Variants in PM20D2 observed in about 807,000 individuals in gnomAD.
PM20D2 encodes the protein xaa-Arg dipeptidase.
A neutral mutation model predicts 42.9 loss-of-function variants in PM20D2; 33 were observed. That is an observed-to-expected ratio of 0.77 (90% CI 0.58 to 1.03). PM20D2 has a LOEUF of 1.03. Ranked by LOEUF, PM20D2 falls within the 50% of genes least tolerant of loss-of-function variation. The pLI is 0.00. For synonymous variants in PM20D2, 250 were observed against 228.2 expected (o/e 1.10, Z -0.86); for missense variants, 548 against 557.0 (o/e 0.98, Z 0.16).
rs925490777 is a variant in PM20D2 at position 89,146,432 on chromosome 6, C to A, written c.288C>A (p.Ala96=). The A allele has an allele frequency of 1.3e-6, 2 of 1,524,002 alleles. No individual in the cohort carries two copies. Among genetic ancestry groups the A allele is most frequent in the Admixed American group, 2.0e-5 (1 of 50,184 alleles). 94.4% of individuals were successfully genotyped at this position (1,524,002 alleles called of 1,614,324 possible). ...AFRAEWEPPE[A]RAPSATPRPL... ...GCGCCGAGTGGGAGCCGCCGGAGGCCCGGGCACCGAGCGCCACGCCACGCC... is the reference window on the plus strand; with the variant it reads ...GCGCCGAGTGGGAGCCGCCGGAGGCACGGGCACCGAGCGCCACGCCACGCC... Residue 96 remains alanine, a synonymous_variant, in exon 1 of 7, where the codon GCC becomes GCA. Coordinates refer to ENST00000275072, the MANE Select transcript of PM20D2 (RefSeq NM_001010853.3).
the PM20D2 span, among the ~76,000 whole-genome samples, chr6:89,094,942 A>T: frequency 6.6e-6 from 1 of 152,144 alleles, no homozygotes; most frequent in South Asian, 2.1e-4. Context: ...CAAAATCTGT[A>T]AATGTCTCAC....
At chr6:89,135,127 A>C in the PM20D2 span, among the ~76,000 whole-genome samples, 1 of 151,162 alleles carries the variant, frequency 6.6e-6, no homozygotes, top group African/African-American at 2.5e-5. Context: ...TGCTACAGAT[A>C]AGAAGAGAAA....
the PM20D2 span, among the ~76,000 whole-genome samples, chr6:89,137,903 A>T: frequency 6.6e-6 from 1 of 152,118 alleles, no homozygotes; most frequent in Admixed American, 6.6e-5. Flanking sequence ...AAACCATTGG[A>T]CATTCCAGTT....
At position 89,162,443 on chromosome 6, in the gene PM20D2, C is replaced by A; in HGVS notation, c.*180C>A. The A allele has an allele frequency of 1.8e-6, 1 of 569,812 alleles. No individual in the cohort carries two copies. Among genetic ancestry groups the A allele is most frequent in the Non-Finnish European group, 2.9e-6 (1 of 341,776 alleles). The allele number at this position is 569,812 out of a possible 1,614,324, so 35.3% of individuals were successfully genotyped here. A position where few individuals can be genotyped will look rare whatever the true frequency, so the allele number is the denominator to read the frequency against. On this transcript the variant is annotated 3_prime_UTR_variant, in exon 7 of 7. Transcript: ENST00000275072. ...CTCATATCTAAAGTGAAAATTTTTG[C>A]AAATCCGTACTTGATAGGATTATGA...
At chr6:89,098,923 A>AT in the PM20D2 span, 2 of 1,613,714 alleles carry the variant, frequency 1.2e-6, no homozygotes, top group Non-Finnish European at 1.7e-6. Flanking sequence ...TAGACTGGCT[A>AT]TAAGAAAATC....
At chr6:89,144,870 G>C (rs1770469563), upstream of PM20D2, among the ~76,000 whole-genome samples, 11 of 152,334 alleles carry the variant, frequency 7.2e-5, no homozygotes, top group South Asian at 2.1e-3. Flanking sequence ...TTTTAGAGCT[G>C]AGTTTTTGTT....
chr6:89,137,779 C>A, the PM20D2 span, among the ~76,000 whole-genome samples: 1 of 152,024 alleles, frequency 6.6e-6, no homozygotes, highest in Non-Finnish European at 1.5e-5. Context: ...TCCTTATTCC[C>A]CCTCTTTTTT....
At chr6:89,143,383 G>T (rs1311858903), upstream of PM20D2, among the ~76,000 whole-genome samples, 1 of 152,192 alleles carries the variant, frequency 6.6e-6, no homozygotes, top group African/African-American at 2.4e-5. Flanking sequence ...TATTGAGTCA[G>T]TTGTGATGAC....
At chr6:89,120,710 T>TAA in the PM20D2 span, among the ~76,000 whole-genome samples, 1 of 144,696 alleles carries the variant, frequency 6.9e-6, no homozygotes, top group Non-Finnish European at 1.5e-5. Context: ...TACAGAAAAT[T>TAA]AAAAAAAAAA....
the PM20D2 span, among the ~76,000 whole-genome samples, chr6:89,115,302 GAC>G: frequency 6.6e-6 from 1 of 151,852 alleles, no homozygotes; most frequent in South Asian, 2.1e-4. Flanking sequence ...TATTTTTTGA[GAC>G]AGAGTCTCAC....
Position 89,158,323 on chromosome 6 carries a change from A to G in PM20D2, c.913-2A>G, listed in dbSNP as rs748275328. The stretch of plus-strand genomic sequence containing the variant: ...AAAATTTGTTTTGCAATTTTTTATT[A>G]GGTGGAAATTAAAGGTGGAGCACAT... On this transcript the variant is annotated splice_acceptor_variant, in intron 4 of 6. Coordinates refer to ENST00000275072, the MANE Select transcript of PM20D2 (RefSeq NM_001010853.3). LOFTEE classifies it high-confidence loss of function. The G allele has an allele frequency of 3.2e-6, 5 of 1,565,090 alleles. No individual in the cohort carries two copies. Among genetic ancestry groups the G allele is most frequent in the Non-Finnish European group, 4.3e-6 (5 of 1,162,322 alleles).
the PM20D2 span, among the ~76,000 whole-genome samples, chr6:89,132,583 C>T: frequency 6.6e-6 from 1 of 151,296 alleles, no homozygotes; most frequent in Admixed American, 6.6e-5. Context: ...CAGTGGCTCA[C>T]ACTTGTAATC....
chr6:89,098,005 T>C, the PM20D2 span: 2 of 152,314 alleles, frequency 1.3e-5, no homozygotes, highest in Admixed American at 6.5e-5. Flanking sequence ...AATAAAAATA[T>C]AACCTTTGAG....
At position 89,146,151 on chromosome 6, in the gene PM20D2, C is replaced by G. The variant is rs753054784; in HGVS notation, c.7C>G (p.Pro3Ala). Reference sequence around the variant, plus strand: ...GGCAGCGGGCTTGGGCAGCATGAGGCCCGGAGGGGAGCGGCCCGTGGAAGG... The same window carrying G: ...GGCAGCGGGCTTGGGCAGCATGAGGGCCGGAGGGGAGCGGCCCGTGGAAGG... MR[P>A]GGERPVEGGA... Residue 3 changes from proline to alanine, a missense_variant, in exon 1 of 7, where the codon CCC becomes GCC. Coordinates refer to ENST00000275072, the MANE Select transcript of PM20D2 (RefSeq NM_001010853.3). 2.0e-6 allele frequency: 3 copies of G among 1,500,388 alleles called. No homozygotes were observed. Among genetic ancestry groups the G allele is most frequent in the Non-Finnish European group, 2.7e-6 (3 of 1,131,886 alleles). 92.9% of individuals were successfully genotyped at this position (1,500,388 alleles called of 1,614,324 possible).
At chr6:89,118,926 T>TA in the PM20D2 span, among the ~76,000 whole-genome samples, 1 of 152,252 alleles carries the variant, frequency 6.6e-6, no homozygotes, top group African/African-American at 2.4e-5. Flanking sequence ...CCCTTCTAGT[T>TA]AGACTCGTCT....
the PM20D2 span, chr6:89,098,951 C>T: frequency 6.2e-7 from 1 of 1,608,762 alleles, no homozygotes; most frequent in Non-Finnish European, 8.5e-7. Context: ...TCGAGACCTG[C>T]AAACATCCAT....
intron 1 of PM20D2, 62 bp from the exon 2 acceptor site, chr6:89,149,203 C>A: frequency 1.3e-6 from 2 of 1,553,428 alleles, no homozygotes; most frequent in South Asian, 1.2e-5. Flanking sequence ...GCAGGTGAAC[C>A]TGTTTGATAT....
chr6:89,118,308 G>A, the PM20D2 span, among the ~76,000 whole-genome samples: 4 of 152,168 alleles, frequency 2.6e-5, no homozygotes, highest in East Asian at 1.9e-4. Context: ...AGAGGTGGTG[G>A]CGGGGCTGCG....
chr6:89,131,566 T>A, the PM20D2 span, among the ~76,000 whole-genome samples: 1,213 of 152,208 alleles, frequency 8.0e-3, 15 homozygotes, highest in African/African-American at 0.028. Context: ...CTATCCTTTC[T>A]CTTGACCAGC....
Sources: allele counts gnomAD v4.1 joint callset (sites outside exome capture counted in the v4.1 genomes callset), GRCh38; gene constraint gnomAD v4.1.1; transcripts MANE v1.5; gene names NCBI Gene and HGNC (gene_info 2026-07-23, HGNC 2026-07-21).